Variants in PDE4D observed in about 807,000 individuals in gnomAD.
PDE4D encodes the protein 3',5'-cyclic-AMP phosphodiesterase 4D.
Under a neutral mutation model 87.4 loss-of-function variants are expected in PDE4D, and 24 were observed. That is an observed-to-expected ratio of 0.27 (90% CI 0.20 to 0.39). The LOEUF is 0.39. Among genes scored for constraint, PDE4D ranks in the 10% least tolerant of loss-of-function variants. PDE4D has a pLI of 1.00. For synonymous variants in PDE4D, 384 were observed against 383.2 expected, an observed-to-expected ratio of 1.00 and a Z score of -0.02; for missense variants, 714 against 1,041.0, an observed-to-expected ratio of 0.69 and a Z score of 4.32.
At chr5:60,439,040 G>A (rs1250086067) in intron 1 of PDE4D, among the ~76,000 whole-genome samples, 1 of 152,088 alleles carries the variant, frequency 6.6e-6, no homozygotes, top group African/African-American at 2.4e-5. Flanking sequence ...GAAGGAACTG[G>A]CTATGTACAT....
chr5:60,093,010 ACCAACAG>A (rs1248758070), intron 2 of PDE4D, among the ~76,000 whole-genome samples: 2 of 152,212 alleles, frequency 1.3e-5, no homozygotes, highest in Non-Finnish European at 2.9e-5. Context: ...GCAGAATCAA[ACCAACAG>A]CTTACAAGTG....
At chr5:59,287,732 G>GAC (rs1767257857) in intron 1 of PDE4D, among the ~76,000 whole-genome samples, 1 of 151,606 alleles carries the variant, frequency 6.6e-6, no homozygotes, top group African/African-American at 2.4e-5. Context: ...GAGAGAGAGA[G>GAC]AGAGACAGAC....
At chr5:60,259,922 C>T (rs915100529) in intron 1 of PDE4D, among the ~76,000 whole-genome samples, 1 of 151,614 alleles carries the variant, frequency 6.6e-6, no homozygotes, top group Non-Finnish European at 1.5e-5. Flanking sequence ...GCAGATGAGC[C>T]TGGTCAAGGG....
rs114568805 is a variant in PDE4D, at chr5:59,420,771, T to C, written c.456-204803A>G. Among the ~76,000 whole-genome samples the C allele has an allele frequency of 3.7e-3, 565 of 151,900 alleles. 9 individuals are homozygous for C. Among genetic ancestry groups the C allele is most frequent in the African/African-American group, 0.013 (535 of 41,418 alleles). On this transcript the variant is annotated intron_variant, in intron 1 of 14. Coordinates refer to ENST00000340635, the MANE Select transcript of PDE4D (RefSeq NM_001104631.2). ...GCTGGTATTCACAGTGTTCTTGCTATATACATGATGGATTGCCATGGTAAC... is the reference window on the plus strand; with the variant it reads ...GCTGGTATTCACAGTGTTCTTGCTACATACATGATGGATTGCCATGGTAAC...
chr5:60,457,978 C>T (rs943339735), intron 1 of PDE4D, among the ~76,000 whole-genome samples: 1 of 152,140 alleles, frequency 6.6e-6, no homozygotes, highest in African/African-American at 2.4e-5. Flanking sequence ...TCAGACTCTC[C>T]ACTGAGCGCT....
At chr5:60,109,033 T>C (rs1251623863) in intron 2 of PDE4D, among the ~76,000 whole-genome samples, 1 of 151,866 alleles carries the variant, frequency 6.6e-6, no homozygotes, top group East Asian at 1.9e-4. Context: ...ACTAAAGAGC[T>C]TCTGCACAGC....
intron 1 of PDE4D, among the ~76,000 whole-genome samples, chr5:59,491,096 T>C (rs1395927290): frequency 1.3e-5 from 2 of 152,240 alleles, no homozygotes; most frequent in Non-Finnish European, 1.5e-5. Context: ...TAAAATGATA[T>C]GAAGCAAACT....
At chr5:60,275,483 A>G (rs1008335296) in intron 1 of PDE4D, among the ~76,000 whole-genome samples, 3 of 152,160 alleles carry the variant, frequency 2.0e-5, no homozygotes, top group African/African-American at 7.2e-5. Flanking sequence ...ACAAGTAACC[A>G]TTATCTTAAT....
chr5:60,301,363 T>C (rs1347162572), intron 1 of PDE4D, among the ~76,000 whole-genome samples: 1 of 152,230 alleles, frequency 6.6e-6, no homozygotes, highest in Non-Finnish European at 1.5e-5. Context: ...TGTTGTTCCA[T>C]TCGTGTTATG....
intron 2 of PDE4D, among the ~76,000 whole-genome samples, chr5:60,048,679 T>C (rs1042831914): frequency 6.6e-6 from 1 of 151,076 alleles, no homozygotes; most frequent in Non-Finnish European, 1.5e-5. Context: ...TCTTTAAGAA[T>C]GTTGAATATT....
intron 1 of PDE4D, among the ~76,000 whole-genome samples, chr5:59,718,889 T>A (rs1228401595): frequency 2.0e-5 from 3 of 152,038 alleles, no homozygotes; most frequent in Admixed American, 6.6e-5. Context: ...TTATCAGATT[T>A]GGGGGAATAA....
intron 1 of PDE4D, among the ~76,000 whole-genome samples, chr5:59,260,539 T>C (rs1274057671): frequency 6.6e-6 from 1 of 151,856 alleles, no homozygotes; most frequent in Non-Finnish European, 1.5e-5. Flanking sequence ...AAATTATCCA[T>C]CTTATTGAAG....
At chr5:60,226,017 T>C (rs1387211735) in intron 1 of PDE4D, among the ~76,000 whole-genome samples, 1 of 152,084 alleles carries the variant, frequency 6.6e-6, no homozygotes, top group African/African-American at 2.4e-5. Flanking sequence ...GATATGCAGG[T>C]TAAATATAGC....
chr5:60,325,399 GT>G (rs1198098685), intron 1 of PDE4D, among the ~76,000 whole-genome samples: 8 of 152,076 alleles, frequency 5.3e-5, no homozygotes, highest in Non-Finnish European at 1.2e-4. Context: ...TGATCTAATG[GT>G]CCCCTGAAAG....
chr5:60,014,528 A>G (rs184833596), intron 2 of PDE4D, among the ~76,000 whole-genome samples: 1 of 152,286 alleles, frequency 6.6e-6, no homozygotes, highest in African/African-American at 2.4e-5. Context: ...GTAGTAAGAT[A>G]CCTCTTAAAA....
At chr5:60,434,963 G>A (rs918251136) in intron 1 of PDE4D, among the ~76,000 whole-genome samples, 8 of 152,088 alleles carry the variant, frequency 5.3e-5, no homozygotes, top group African/African-American at 1.9e-4. Flanking sequence ...TATGTTCAGA[G>A]TATACTTTGT....
At chr5:60,334,381 T>G (rs1002065706) in intron 1 of PDE4D, among the ~76,000 whole-genome samples, 1 of 152,158 alleles carries the variant, frequency 6.6e-6, no homozygotes, top group African/African-American at 2.4e-5. Context: ...AACATTAACT[T>G]GTTCATCTTG....
At chr5:59,303,048 T>C (rs147113368) in intron 1 of PDE4D, among the ~76,000 whole-genome samples, 1 of 152,334 alleles carries the variant, frequency 6.6e-6, no homozygotes, top group South Asian at 2.1e-4. Flanking sequence ...CAACATCTAC[T>C]GTTTTTTAAA....
In PDE4D at chr5:58,972,244, TA is replaced by T. The variant is rs1742731819; in HGVS notation, c.*2419del. ...GACTTCACTCAGGGACAAATAAAAT[TA>T]AAAGAAACAAGTTCCCAAATATTCT... On this transcript the variant is annotated 3_prime_UTR_variant, in exon 15 of 15. Coordinates refer to ENST00000340635, the MANE Select transcript of PDE4D (RefSeq NM_001104631.2). The T allele has an allele frequency of 6.6e-6, 1 of 152,548 alleles. No homozygotes were observed. Among genetic ancestry groups the T allele is most frequent in the Admixed American group, 6.6e-5 (1 of 15,256 alleles). The allele number at this position is 152,548 out of a possible 1,614,324, so 9.4% of individuals were successfully genotyped here.
Sources: allele counts gnomAD v4.1 joint callset (sites outside exome capture counted in the v4.1 genomes callset), GRCh38; gene constraint gnomAD v4.1.1; transcripts MANE v1.5; gene names NCBI Gene and HGNC (gene_info 2026-07-23, HGNC 2026-07-21).